The following USP49 variants were observed in gnomAD, a reference collection of about 807,000 sequenced individuals.
The protein encoded by USP49 is ubiquitin specific peptidase 49.
Under a neutral mutation model 58.6 loss-of-function variants are expected in USP49, and 24 were observed. The observed-to-expected ratio is 0.41, with a 90% CI of 0.30 to 0.58. USP49 has a LOEUF of 0.58. USP49 is among the 20% of genes least tolerant of loss of function. The pLI, the probability that USP49 is intolerant of heterozygous loss-of-function variation, is 0.30. For synonymous variants in USP49, 408 were observed against 365.1 expected, an observed-to-expected ratio of 1.12 and a Z score of -1.34; for missense variants, 703 against 866.1, an observed-to-expected ratio of 0.81 and a Z score of 2.36.
intron 2 of USP49, chr6:41,886,312 C>T (rs1017926299): frequency 2.0e-5 from 3 of 152,232 alleles, no homozygotes; most frequent in African/African-American, 7.2e-5. Context: ...TATAGTCCCA[C>T]ATACTCTATG....
chr6:41,840,335 C>T (rs1385648223), intron 3 of USP49, among the ~76,000 whole-genome samples: 1 of 148,886 alleles, frequency 6.7e-6, no homozygotes, highest in Non-Finnish European at 1.5e-5. Flanking sequence ...GATTACACCA[C>T]TGCACTCCAG....
intron 3 of USP49, among the ~76,000 whole-genome samples, chr6:41,870,993 G>C (rs1774403886): frequency 6.6e-6 from 1 of 152,132 alleles, no homozygotes. Flanking sequence ...AGAGGTTGCA[G>C]TGAGCCACGA....
At chr6:41,893,085 G>GCTT (rs1227829853) in intron 1 of USP49, among the ~76,000 whole-genome samples, 1 of 152,194 alleles carries the variant, frequency 6.6e-6, no homozygotes, top group Non-Finnish European at 1.5e-5. Context: ...ACGAAAGGCA[G>GCTT]TGGAGCTGTC....
chr6:41,816,099 CTT>C (rs1773345307), intron 3 of USP49, among the ~76,000 whole-genome samples: 2 of 152,200 alleles, frequency 1.3e-5, no homozygotes, highest in South Asian at 2.1e-4. Context: ...CCTCTGCTCT[CTT>C]TTGTTTGCTT....
chr6:41,817,472 T>C (rs952187919), intron 3 of USP49, among the ~76,000 whole-genome samples: 6 of 145,176 alleles, frequency 4.1e-5, no homozygotes, highest in African/African-American at 1.5e-4. Context: ...TTTTTTTTTT[T>C]TTTTTGAGAT....
At chr6:41,866,702 G>T (rs1419662325) in intron 3 of USP49, among the ~76,000 whole-genome samples, 1 of 152,166 alleles carries the variant, frequency 6.6e-6, no homozygotes, top group Non-Finnish European at 1.5e-5. Context: ...TCTGGATTAA[G>T]GAAAACAGCT....
At chr6:41,807,680 G>A (rs1374212689) in intron 3 of USP49, among the ~76,000 whole-genome samples, 1 of 151,610 alleles carries the variant, frequency 6.6e-6, no homozygotes, top group Non-Finnish European at 1.5e-5. Flanking sequence ...GACCTCAGGT[G>A]ATCTGCCCAC....
chr6:41,840,506 T>A (rs1406012659), intron 3 of USP49, among the ~76,000 whole-genome samples: 1 of 151,628 alleles, frequency 6.6e-6, no homozygotes, highest in African/African-American at 2.4e-5. Context: ...ATAAAAGGAG[T>A]TTTGAAGAAC....
At chr6:41,849,155 G>A (rs1773975971) in intron 3 of USP49, among the ~76,000 whole-genome samples, 1 of 152,102 alleles carries the variant, frequency 6.6e-6, no homozygotes, top group Non-Finnish European at 1.5e-5. Context: ...GAAGAGAGCA[G>A]GAGTGGCTAT....
At chr6:41,841,559 GA>G (rs1364428785) in intron 3 of USP49, among the ~76,000 whole-genome samples, 1 of 152,092 alleles carries the variant, frequency 6.6e-6, no homozygotes, top group African/African-American at 2.4e-5. Context: ...CACAATCCTG[GA>G]AGATTAAAAT....
intron 3 of USP49, among the ~76,000 whole-genome samples, chr6:41,812,096 TC>T (rs1773266792): frequency 6.6e-6 from 1 of 151,974 alleles, no homozygotes; most frequent in African/African-American, 2.4e-5. Flanking sequence ...TTTTTTTTTT[TC>T]AGACGGAGTT....
intron 3 of USP49, among the ~76,000 whole-genome samples, chr6:41,867,025 T>C (rs572483330): frequency 4.6e-5 from 7 of 152,328 alleles, no homozygotes; most frequent in African/African-American, 9.6e-5. Context: ...ACCACACTTA[T>C]AGGAGGGCCA....
At chr6:41,796,835 C>G in intron 7 of USP49, 112 bp from the exon 8 acceptor site, 1 of 624,924 alleles carries the variant, frequency 1.6e-6, no homozygotes, top group South Asian at 1.9e-5. Flanking sequence ...ATAGAGCCAA[C>G]CCTCGATTAT....
In USP49 at chr6:41,881,740, T is replaced by C. The variant is rs76147393; in HGVS notation, c.-103+10054A>G. Among the ~76,000 whole-genome samples the C allele has an allele frequency of 8.3e-4, 126 of 152,312 alleles. 1 individual carries two copies. The highest frequency in any genetic ancestry group is 2.6e-3 in the African/African-American group (107 of 41,586). ...TGATGTCATTGGAGAAGGTTCATTA[T>C]ACTTTATGCTTCTGCATAAAGTATA... On this transcript the variant is annotated intron_variant, in intron 2 of 7. Coordinates refer to ENST00000682992, the MANE Select transcript of USP49 (RefSeq NM_001286554.2).
intron 3 of USP49, among the ~76,000 whole-genome samples, chr6:41,866,636 C>T (rs1427457349): frequency 6.6e-6 from 1 of 152,168 alleles, no homozygotes; most frequent in Admixed American, 6.5e-5. Flanking sequence ...GTGCTCATCA[C>T]AGCAAATCTA....
chr6:41,822,894 A>G (rs1470574727), intron 3 of USP49, among the ~76,000 whole-genome samples: 1 of 152,208 alleles, frequency 6.6e-6, no homozygotes, highest in Non-Finnish European at 1.5e-5. Context: ...AAGGAGTCAA[A>G]TACACAGGAG....
At chr6:41,863,025 T>C (rs1561921520) in intron 3 of USP49, among the ~76,000 whole-genome samples, 1 of 151,990 alleles carries the variant, frequency 6.6e-6, no homozygotes, top group Non-Finnish European at 1.5e-5. Context: ...AATCCGCCCA[T>C]CTCAGCCTCC....
intron 3 of USP49, among the ~76,000 whole-genome samples, chr6:41,865,571 A>G (rs1276415569): frequency 6.7e-6 from 1 of 149,162 alleles, no homozygotes; most frequent in African/African-American, 2.5e-5. Context: ...AAACTCCTGG[A>G]CTCAAGCAAT....
rs1772941015 is a variant in USP49, at chr6:41,798,878, G to C, written c.1722C>G (p.Asp574Glu). 3.1e-6 allele frequency: 5 copies of C among 1,613,914 alleles called. No homozygotes were observed. The highest frequency in any genetic ancestry group is 4.2e-6 in the Non-Finnish European group (5 of 1,179,984). The change falls in exon 7 of 8, where the codon GAC becomes GAG. Residue 574 changes from aspartate to glutamate, a missense_variant. Physicochemically the swap from Asp to Glu is conservative, Grantham distance 45. This residue lies in a region of USP49 where 158 missense variants were observed against 241.2 expected (regional missense o/e 0.66). Transcript: ENST00000682992. ...REKIGVHVVF[D>E]QVLTMEPYCC... is the part of the protein sequence containing the mutation. Reference sequence around the variant, plus strand: ...AGTAAGGTTCCATGGTTAATACCTGGTCAAAGACGACATGGACCCCAATCT... The same window carrying C: ...AGTAAGGTTCCATGGTTAATACCTGCTCAAAGACGACATGGACCCCAATCT...
Sources: allele counts gnomAD v4.1 joint callset (sites outside exome capture counted in the v4.1 genomes callset), GRCh38; gene constraint gnomAD v4.1.1; regional missense constraint gnomAD v4.1.1; transcripts MANE v1.5; gene names NCBI Gene and HGNC (gene_info 2026-07-23, HGNC 2026-07-21).